DPEP2: variants seen among roughly 807,000 people sequenced by gnomAD.
DPEP2 encodes the protein dipeptidase 2.
In DPEP2, 45 loss-of-function variants were observed where a neutral mutation model predicts 51.8. The observed-to-expected ratio is 0.87, with a 90% CI of 0.68 to 1.11. The LOEUF is 1.11. Among genes scored for constraint, DPEP2 ranks in the 50% most tolerant of loss-of-function variants. DPEP2 has a pLI of 0.00. For missense variants in DPEP2, 604 were observed against 631.9 expected (o/e 0.96, Z 0.47); for synonymous variants, 255 against 262.7 (o/e 0.97, Z 0.28).
intron 2 of DPEP2, 139 bp downstream of exon 2, chr16:67,992,811 A>C (rs2032338145): frequency 6.8e-7 from 1 of 1,476,182 alleles, no homozygotes; most frequent in African/African-American, 1.4e-5. Flanking sequence ...CAGAGGGGAA[A>C]GGGTACCCAT....
In DPEP2 at chr16:67,992,607, T is replaced by C; in HGVS notation, c.293A>G (p.Gln98Arg). 2.5e-6 allele frequency: 4 copies of C among 1,614,130 alleles called. No individual in the cohort carries two copies. Among genetic ancestry groups the C allele is most frequent in the African/African-American group, 1.3e-5 (1 of 75,060 alleles). ...GHNDLPLVLR[Q>R]VYQKGLQDVN... ...ATCCTGTAGCCCTTTCTGGTAAACC[T>C]GCCTTAGGACCAGGGGCAGGTCGTT... The change falls in exon 3 of 11, where the codon CAG (glutamine) becomes CGG (arginine). Residue 98 changes from glutamine (Q) to arginine (R), a missense_variant. Coordinates refer to ENST00000393847, the MANE Select transcript of DPEP2 (RefSeq NM_022355.4).
chr16:67,996,070 G>A (rs1460004478), intron 1 of DPEP2, among the ~76,000 whole-genome samples: 1 of 152,018 alleles, frequency 6.6e-6, no homozygotes, highest in Non-Finnish European at 1.5e-5. Context: ...ATAAGGTCTT[G>A]CTCTGTCACC....
intron 2 of DPEP2, 79 bp from the exon 3 acceptor site, chr16:67,992,715 C>T: frequency 1.9e-6 from 3 of 1,559,186 alleles, no homozygotes; most frequent in Non-Finnish European, 2.6e-6. Flanking sequence ...AAGGACACAT[C>T]TGGGGATCCC....
chr16:67,987,979 T>C lies in DPEP2; in HGVS notation c.1079A>G (p.Gln360Arg), dbSNP rs145720875. 1.3e-4 allele frequency: 217 copies of C among 1,614,016 alleles called. No homozygotes were observed. The highest frequency in any genetic ancestry group is 1.8e-4 in the Non-Finnish European group (210 of 1,180,038). The stretch of plus-strand genomic sequence containing the variant: ...GTATGTGGACACGTCTTCCAGCCCC[T>C]GAGGGAATCTGTGTGGCCACCAGCT... ...GDYDGAGKFP[Q>R]GLEDVSTYPV... The change falls in exon 10 of 11, where the codon CAG becomes CGG. Residue 360 changes from glutamine to arginine, a missense_variant. By Grantham distance (43) the Gln-to-Arg change is conservative (BLOSUM62 1). Transcript: ENST00000393847.
At chr16:67,997,235 G>A (rs1489749799) in intron 1 of DPEP2, among the ~76,000 whole-genome samples, 4 of 151,500 alleles carry the variant, frequency 2.6e-5, no homozygotes, top group Non-Finnish European at 5.9e-5. Context: ...GTTTTGCCAT[G>A]TTGGCCAGGC....
chr16:67,994,286 C>G (rs2032533103), intron 1 of DPEP2: 14 of 985,466 alleles, frequency 1.4e-5, no homozygotes, highest in Non-Finnish European at 1.7e-5. Flanking sequence ...TCTGCAGCCA[C>G]ACTCCTCTTA....
chr16:67,989,183 G>C, intron 9 of DPEP2, 140 bp downstream of exon 9: 1 of 897,486 alleles, frequency 1.1e-6, no homozygotes, highest in Non-Finnish European at 1.7e-6. Flanking sequence ...TGGGGTCACT[G>C]GGATGAAGAC....
chr16:67,996,146 C>T (rs1790023947), intron 1 of DPEP2, among the ~76,000 whole-genome samples: 1 of 151,808 alleles, frequency 6.6e-6, no homozygotes, highest in African/African-American at 2.4e-5. Context: ...TCAATCAATC[C>T]TCCCACTTCA....
intron 9 of DPEP2, among the ~76,000 whole-genome samples, chr16:67,988,778 T>C (rs2031749234): frequency 6.6e-6 from 1 of 151,890 alleles, no homozygotes; most frequent in Admixed American, 6.6e-5. Flanking sequence ...CTGGGCATGA[T>C]GACACATGCC....
At chr16:67,987,811 G>T in intron 10 of DPEP2, 41 bp downstream of exon 10, 1 of 1,613,960 alleles carries the variant, frequency 6.2e-7, no homozygotes, top group Non-Finnish European at 8.5e-7. Context: ...TGATACACTT[G>T]CTCAGACCCC....
Position 67,990,090 on chromosome 16 carries a change from T to G in DPEP2, c.951A>C (p.Gly317=). ...TGGCTGATGGGTTGCACTGTATTAC[T>G]CCCATGGACAAAGACACCATCACGA... is the stretch of plus-strand genomic sequence containing the variant. ...GGVVMVSLSM[G]VIQCNPSANV... is the part of the protein sequence containing the mutation. The change falls in exon 8 of 11, where the codon GGA becomes GGC. Residue 317 remains glycine (G), a synonymous_variant. Transcript: ENST00000393847. 6.2e-7 allele frequency: 1 copy of G among 1,614,114 alleles called. No homozygotes were observed. The highest frequency in any genetic ancestry group is 1.3e-5 in the African/African-American group (1 of 75,040).
Position 67,987,570 on chromosome 16 carries a change from G to T in DPEP2, c.1397C>A (p.Ser466Tyr). The change falls in exon 11 of 11, where the codon TCC (serine) becomes TAC (tyrosine). Residue 466 changes from serine to tyrosine, a missense_variant. Coordinates refer to ENST00000393847, the MANE Select transcript of DPEP2 (RefSeq NM_022355.4). The part of the protein sequence containing the change: ...LPAKWSVSES[S>Y]PHMAPVLAVV... ...TGCAAGGACTGGGGCCATGTGGGGG[G>T]AGGACTCTGAGACTGACCACTTGGC... The T allele has an allele frequency of 1.9e-6, 3 of 1,614,168 alleles. No homozygotes were observed. Among genetic ancestry groups the T allele is most frequent in the Non-Finnish European group, 1.7e-6 (2 of 1,180,034 alleles).
Position 67,991,982 on chromosome 16 carries a change from G to C in DPEP2, c.521-3C>G. 1 of 1,614,170 alleles carries C rather than the reference G, an allele frequency of 6.2e-7. No individual in the cohort carries two copies. The highest frequency in any genetic ancestry group is 1.1e-5 in the South Asian group (1 of 91,084). On this transcript the variant is annotated splice_region_variant and splice_polypyrimidine_tract_variant and intron_variant, in intron 4 of 10. Coordinates refer to ENST00000393847, the MANE Select transcript of DPEP2 (RefSeq NM_022355.4). This position sits in a 1 kb window ranked among gnomAD's most constrained non-coding sequence, Gnocchi z 5.1. ...CAATTTCTGAGTGTCGTTCAGAGCT[G>C]GGGGCAGGTAGGTCAGGTGATTACT...
At chr16:67,994,965 A>G (rs1003117026) in intron 1 of DPEP2, 5 of 904,056 alleles carry the variant, frequency 5.5e-6, no homozygotes, top group Non-Finnish European at 6.6e-6. Flanking sequence ...TAGTGGCACA[A>G]TCTTGGCTCA....
At chr16:67,992,301 T>G in intron 3 of DPEP2, 108 bp from the exon 4 acceptor site, 2 of 1,474,446 alleles carry the variant, frequency 1.4e-6, no homozygotes, top group Non-Finnish European at 1.8e-6. Context: ...GGAGGCCACA[T>G]GTAATGTACT....
chr16:67,992,420 C>T (rs2032283188), intron 3 of DPEP2, 90 bp downstream of exon 3: 4 of 1,529,770 alleles, frequency 2.6e-6, no homozygotes, highest in African/African-American at 2.7e-5. Context: ...ACTGAGTTCT[C>T]ATGTGACTAA....
At chr16:67,998,533 C>G (rs2032838775) in intron 1 of DPEP2, among the ~76,000 whole-genome samples, 1 of 152,198 alleles carries the variant, frequency 6.6e-6, no homozygotes, top group South Asian at 2.1e-4. Flanking sequence ...CGGAGCCTCC[C>G]CGGTGAGCGC....
upstream of DPEP2, chr16:67,999,584 C>G (rs9938621): frequency 1.0e-4 from 81 of 805,882 alleles, no homozygotes; most frequent in African/African-American, 1.4e-3. Context: ...ACTTCTGGGG[C>G]ATGAGTGTTC....
chr16:67,993,914 G>C (rs1230390910), intron 1 of DPEP2: 4 of 985,382 alleles, frequency 4.1e-6, no homozygotes, highest in African/African-American at 1.7e-5. Flanking sequence ...CCAGCTACTA[G>C]GACCTGTCAG....
Sources: gnomAD v4.1 joint callset for allele counts (sites outside exome capture counted in the v4.1 genomes callset) on GRCh38, gnomAD v4.1.1 for gene constraint, Gnocchi (gnomAD v3.1) non-coding constraint, MANE v1.5 for transcripts, NCBI Gene and HGNC (gene_info 2026-07-23, HGNC 2026-07-21) for gene names.